Variants in SLC35E1 observed in about 807,000 individuals in gnomAD.
SLC35E1 encodes solute carrier family 35 member E1, also known as solute carrier family 35, member E1.
In SLC35E1, 12 loss-of-function variants were observed where a neutral mutation model predicts 31.0. The ratio of observed to expected loss-of-function variants is 0.39; its 90% CI spans 0.25 to 0.63. The LOEUF (loss-of-function observed/expected upper bound fraction) is 0.63, where lower values mean the gene tolerates loss of function less well. SLC35E1 is among the 20% of genes least tolerant of loss of function. The pLI is 0.52. For missense variants in SLC35E1, 429 were observed against 572.2 expected (o/e 0.75, Z 2.55); for synonymous variants, 257 against 264.1 (o/e 0.97, Z 0.26).
rs145497809 is a variant in SLC35E1 at position 16,564,853 on chromosome 19, G to T, written c.756+1679C>A. Among the ~76,000 whole-genome samples the T allele has an allele frequency of 6.2e-3, 947 of 152,284 alleles. 13 individuals are homozygous for T. The highest frequency in any genetic ancestry group is 0.021 in the African/African-American group (864 of 41,554). On this transcript the variant is annotated intron_variant, in intron 4 of 5. Coordinates refer to ENST00000595753, the MANE Select transcript of SLC35E1 (RefSeq NM_024881.5). ...GGTAACAAACTAGTCCTGGAAGATG[G>T]AAAGTTCTTCACAGAAGAATTACAG...
chr19:16,557,351 G>T (rs886216516), intron 4 of SLC35E1, among the ~76,000 whole-genome samples: 1 of 151,986 alleles, frequency 6.6e-6, no homozygotes, highest in Non-Finnish European at 1.5e-5. Context: ...CCGCCACCGC[G>T]CCCGGCTAAT....
Position 16,555,767 on chromosome 19 carries a change from T to G in SLC35E1, c.757-370A>C. The G allele has an allele frequency of 3.8e-6, 1 of 260,098 alleles. No individual in the cohort carries two copies. Among genetic ancestry groups the G allele is most frequent in the Non-Finnish European group, 7.5e-6 (1 of 133,700 alleles). 16.1% of individuals were successfully genotyped at this position (260,098 alleles called of 1,614,324 possible). On this transcript the variant is annotated intron_variant, in intron 4 of 5. Coordinates refer to ENST00000595753, the MANE Select transcript of SLC35E1 (RefSeq NM_024881.5). The surrounding 1 kb of genome is among the most constrained non-coding windows in gnomAD (Gnocchi z 4.1). ...TTGGACGCAATGCATTCTACAGGGTTGGAGGTCCTGGGAAGGTGGCTCTGA... is the reference window on the plus strand; with the variant it reads ...TTGGACGCAATGCATTCTACAGGGTGGGAGGTCCTGGGAAGGTGGCTCTGA...
intron 4 of SLC35E1, chr19:16,564,907 A>T (rs1448212844): frequency 3.2e-6 from 1 of 312,838 alleles, no homozygotes; most frequent in Non-Finnish European, 6.4e-6. Flanking sequence ...AAGTTAGAAA[A>T]GTGAGCCATG....
chr19:16,567,325 C>T (rs918099272), intron 3 of SLC35E1, among the ~76,000 whole-genome samples: 9 of 151,736 alleles, frequency 5.9e-5, no homozygotes, highest in Non-Finnish European at 1.0e-4. Context: ...TAGGCTTCAA[C>T]AAGTTTTAAA....
At chr19:16,557,682 C>T (rs543868894) in intron 4 of SLC35E1, among the ~76,000 whole-genome samples, 2 of 152,192 alleles carry the variant, frequency 1.3e-5, no homozygotes, top group African/African-American at 4.8e-5. Context: ...TGGCTGGGAA[C>T]CTTTGGAGAC....
rs1414332355 is a variant in SLC35E1 at position 16,568,126 on chromosome 19, G to A, written c.536C>T (p.Ala179Val). The change falls in exon 3 of 6, where the codon GCC (alanine) becomes GTC (valine). Residue 179 changes from alanine to valine, a missense_variant. Coordinates refer to ENST00000595753, the MANE Select transcript of SLC35E1 (RefSeq NM_024881.5). Reference protein sequence around the residue: ...LIPIISGVLLATVTELSFDMW... With the variant: ...LIPIISGVLLVTVTELSFDMW... ...GTCAAAAGACAACTCGGTGACGGTGGCCAGCAGGACACCGCTGATGATGGG... is the reference window on the plus strand; with the variant it reads ...GTCAAAAGACAACTCGGTGACGGTGACCAGCAGGACACCGCTGATGATGGG... 6.2e-6 allele frequency: 10 copies of A among 1,613,598 alleles called. No homozygotes were observed. The highest frequency in any genetic ancestry group is 7.6e-6 in the Non-Finnish European group (9 of 1,179,904).
chr19:16,560,285 T>C (rs2085898165), intron 4 of SLC35E1, among the ~76,000 whole-genome samples: 1 of 152,158 alleles, frequency 6.6e-6, no homozygotes, highest in Non-Finnish European at 1.5e-5. Flanking sequence ...AGTCCCTCCC[T>C]TTCATGGCCC....
At chr19:16,553,995 T>C in intron 5 of SLC35E1, 86 bp from the exon 6 acceptor site, 1 of 1,234,018 alleles carries the variant, frequency 8.1e-7, no homozygotes, top group Non-Finnish European at 1.1e-6. Flanking sequence ...CTGGCTGCGG[T>C]GGCTCACACC....
intron 4 of SLC35E1, among the ~76,000 whole-genome samples, chr19:16,561,240 A>AAAAAAAAAAAAAAAAAG (rs1568273090): frequency 2.3e-5 from 3 of 128,760 alleles, no homozygotes; most frequent in African/African-American, 9.9e-5. Context: ...AAAAAAAAAA[A>AAAAAAAAAAAAAAAAAG]AAAGAAAGAA....
Position 16,552,872 on chromosome 19 carries a change from T to TA in SLC35E1, c.*806dup, listed in dbSNP as rs1403476796. The TA allele has an allele frequency of 6.6e-6, 1 of 152,146 alleles. No individual in the cohort carries two copies. Among genetic ancestry groups the TA allele is most frequent in the Non-Finnish European group, 1.5e-5 (1 of 68,038 alleles). 9.4% of individuals were successfully genotyped at this position (152,146 alleles called of 1,614,324 possible). A position where few individuals can be genotyped will look rare whatever the true frequency, so the allele number is the denominator to read the frequency against. On this transcript the variant is annotated 3_prime_UTR_variant, in exon 6 of 6. Transcript: ENST00000595753. The stretch of plus-strand genomic sequence containing the variant: ...TGTGCCACAGAAATAGAGCTTGAAA[T>TA]ACTGAACACGATTTCTCGAAGATCC...
chr19:16,551,854 A>C lies in SLC35E1; in HGVS notation c.*1825T>G, dbSNP rs2085847378. The C allele has an allele frequency of 6.6e-6, 1 of 150,698 alleles. No homozygotes were observed. Among genetic ancestry groups the C allele is most frequent in the Non-Finnish European group, 1.5e-5 (1 of 67,912 alleles). 9.3% of individuals were successfully genotyped at this position (150,698 alleles called of 1,614,324 possible). A position where few individuals can be genotyped will look rare whatever the true frequency, so the allele number is the denominator to read the frequency against. ...GCTGAAACCTCCACCTCCTGGGCTC[A>C]AGTGATTCTCCTGCCTCAGCCTCCC... is the stretch of plus-strand genomic sequence containing the variant. On this transcript the variant is annotated 3_prime_UTR_variant, in exon 6 of 6. Coordinates refer to ENST00000595753, the MANE Select transcript of SLC35E1 (RefSeq NM_024881.5).
Position 16,567,934 on chromosome 19 carries a change from C to A in SLC35E1, c.630+98G>T, listed in dbSNP as rs536750479. ...AATCAAGATTTTTCTGCTCTAATAG[C>A]AAAGAAATTTCTACTCCGCCTGTTT... On this transcript the variant is annotated intron_variant, in intron 3 of 5. Transcript: ENST00000595753. The A allele has an allele frequency of 1.4e-4, 207 of 1,433,802 alleles. No individual in the cohort carries two copies. In the African/African-American group the frequency reaches 2.8e-3, roughly 19 times the overall value. The allele number at this position is 1,433,802 out of a possible 1,614,324, so 88.8% of individuals were successfully genotyped here. A position where few individuals can be genotyped will look rare whatever the true frequency, so the allele number is the denominator to read the frequency against.
rs547411990 is a variant in SLC35E1 at position 16,551,544 on chromosome 19, T to C, written c.*2135A>G. ...TCATTTGCTGCTCTCTTCCCCTAAG[T>C]GCCAGCAAGAAGCTGGGTGTGGTGA... On this transcript the variant is annotated 3_prime_UTR_variant, in exon 6 of 6. Transcript: ENST00000595753. 1.3e-5 allele frequency: 2 copies of C among 152,118 alleles called. No individual in the cohort carries two copies. The highest frequency in any genetic ancestry group is 3.9e-4 in the East Asian group (2 of 5,174). The allele number at this position is 152,118 out of a possible 1,614,324, so 9.4% of individuals were successfully genotyped here.
chr19:16,566,808 A>C, intron 3 of SLC35E1, 151 bp from the exon 4 acceptor site: 1 of 919,210 alleles, frequency 1.1e-6, no homozygotes, highest in South Asian at 1.7e-5. Flanking sequence ...GAGGACATAC[A>C]CAGCACAGGC....
At chr19:16,560,593 G>A (rs938240836) in intron 4 of SLC35E1, among the ~76,000 whole-genome samples, 5 of 152,144 alleles carry the variant, frequency 3.3e-5, no homozygotes, top group African/African-American at 7.2e-5. Context: ...CGGGCGTGCC[G>A]GCTGGCGCCT....
intron 4 of SLC35E1, among the ~76,000 whole-genome samples, chr19:16,561,330 C>T (rs1214016283): frequency 2.6e-5 from 4 of 151,612 alleles, no homozygotes; most frequent in Admixed American, 2.0e-4. Context: ...CTCCAGACTC[C>T]AAGCAGAGAA....
Position 16,552,210 on chromosome 19 carries a change from T to A in SLC35E1, c.*1469A>T, listed in dbSNP as rs1179206189. 1 of 152,184 alleles carries A rather than the reference T, an allele frequency of 6.6e-6. No homozygotes were observed. The highest frequency in any genetic ancestry group is 1.5e-5 in the Non-Finnish European group (1 of 68,024). The allele number at this position is 152,184 out of a possible 1,614,324, so 9.4% of individuals were successfully genotyped here. ...TTGTCTATTATACAAAATATTGAGA[T>A]AATGTTCACGATTCATTCTGTTTTC... On this transcript the variant is annotated 3_prime_UTR_variant, in exon 6 of 6. Coordinates refer to ENST00000595753, the MANE Select transcript of SLC35E1 (RefSeq NM_024881.5).
Position 16,552,822 on chromosome 19 carries a change from A to T in SLC35E1, c.*857T>A, listed in dbSNP as rs2085852393. ...ACAACATACCAAGTCATCACAGAAG[A>T]GGTGAAGATGCCTCTCAAAAGACAT... is the stretch of plus-strand genomic sequence containing the variant. On this transcript the variant is annotated 3_prime_UTR_variant, in exon 6 of 6. Transcript: ENST00000595753. 6.6e-6 allele frequency: 1 copy of T among 152,238 alleles called. No individual in the cohort carries two copies. The allele number at this position is 152,238 out of a possible 1,614,324, so 9.4% of individuals were successfully genotyped here.
chr19:16,558,679 G>T (rs575833361), intron 4 of SLC35E1, among the ~76,000 whole-genome samples: 1 of 151,482 alleles, frequency 6.6e-6, no homozygotes, highest in South Asian at 2.1e-4. Context: ...TCTCTCTGTT[G>T]TTTAAACTGG....
Sources: allele counts gnomAD v4.1 joint callset (sites outside exome capture counted in the v4.1 genomes callset), GRCh38; gene constraint gnomAD v4.1.1; non-coding constraint Gnocchi (gnomAD v3.1); transcripts MANE v1.5; gene names NCBI Gene and HGNC (gene_info 2026-07-23, HGNC 2026-07-21).